UNC13B: variants seen among roughly 807,000 people sequenced by gnomAD.
UNC13B encodes the protein unc-13 homolog B, also known as protein unc-13 homolog B.
A neutral mutation model predicts 211.0 loss-of-function variants in UNC13B; 144 were observed. That is an observed-to-expected ratio of 0.68 (90% confidence interval 0.60 to 0.78). The LOEUF (loss-of-function observed/expected upper bound fraction) is 0.78, where lower values mean the gene tolerates loss of function less well. UNC13B is among the 30% of genes least tolerant of loss of function. UNC13B has a pLI of 0.00. For synonymous variants in UNC13B, 709 were observed against 725.8 expected, an observed-to-expected ratio of 0.98 and a Z score of 0.37; for missense variants, 1,777 against 2,002.0, an observed-to-expected ratio of 0.89 and a Z score of 2.14.
chr9:35,255,079 AT>A (rs1564096303), intron 6 of UNC13B, among the ~76,000 whole-genome samples: 1 of 123,442 alleles, frequency 8.1e-6, no homozygotes, highest in Non-Finnish European at 1.6e-5. Context: ...AATATAATAT[AT>A]ATATTATATA....
intron 1 of UNC13B, among the ~76,000 whole-genome samples, chr9:35,203,740 A>T (rs1034405540): frequency 6.6e-6 from 1 of 152,202 alleles, no homozygotes; most frequent in African/African-American, 2.4e-5. Flanking sequence ...TGAGCAAGGA[A>T]ATGACCTGAA....
intron 5 of UNC13B, among the ~76,000 whole-genome samples, chr9:35,242,506 T>G (rs543475555): frequency 1.3e-3 from 191 of 152,308 alleles, no homozygotes; most frequent in African/African-American, 4.1e-3. Context: ...TTTGACTACT[T>G]TAGTTACCTT....
intron 11 of UNC13B, among the ~76,000 whole-genome samples, chr9:35,342,821 G>A (rs530843601): frequency 3.3e-5 from 5 of 152,252 alleles, no homozygotes; most frequent in African/African-American, 1.2e-4. Flanking sequence ...CTATGTGTAT[G>A]CATGTACTCA....
chr9:35,374,509 GCC>G (rs1278911324), intron 13 of UNC13B, among the ~76,000 whole-genome samples: 3 of 120,552 alleles, frequency 2.5e-5, no homozygotes, highest in African/African-American at 1.1e-4. Flanking sequence ...GATACATGGG[GCC>G]CCCTATGCAA....
intron 5 of UNC13B, among the ~76,000 whole-genome samples, chr9:35,240,668 G>A (rs535722539): frequency 6.6e-6 from 1 of 151,934 alleles, no homozygotes; most frequent in Admixed American, 6.6e-5. Flanking sequence ...TTTTAATGTT[G>A]TATTACTTTT....
chr9:35,393,645 C>A (rs1426390380), intron 26 of UNC13B, among the ~76,000 whole-genome samples: 1 of 143,914 alleles, frequency 6.9e-6, no homozygotes, highest in African/African-American at 2.6e-5. Flanking sequence ...GATTTTGGCT[C>A]ACTGCAACCT....
chr9:35,251,528 A>G (rs1433880486), intron 6 of UNC13B, among the ~76,000 whole-genome samples: 2 of 152,176 alleles, frequency 1.3e-5, no homozygotes, highest in East Asian at 3.9e-4. Flanking sequence ...CAGAGGCTAC[A>G]GTGAGCCGAG....
intron 25 of UNC13B, 62 bp downstream of exon 25, chr9:35,390,035 C>T: frequency 2.5e-6 from 4 of 1,597,842 alleles, no homozygotes; most frequent in Non-Finnish European, 3.4e-6. Flanking sequence ...GTCTAACAAC[C>T]TCTTTCTTTC....
At chr9:35,208,148 T>C (rs10972381) in intron 1 of UNC13B, among the ~76,000 whole-genome samples, 77,833 of 152,010 alleles carry the variant, frequency 0.51, 20,568 homozygotes, top group Non-Finnish European at 0.57. Context: ...AACTCCCCTT[T>C]CTGGAACGAT....
intron 13 of UNC13B, among the ~76,000 whole-genome samples, chr9:35,371,706 A>C (rs958242698): frequency 1.3e-5 from 2 of 150,782 alleles, no homozygotes; most frequent in South Asian, 4.2e-4. Flanking sequence ...CTTTTGCCCT[A>C]TCTTTGGCTT....
intron 1 of UNC13B, among the ~76,000 whole-genome samples, chr9:35,205,363 A>G (rs1466827535): frequency 6.6e-6 from 1 of 152,206 alleles, no homozygotes; most frequent in Non-Finnish European, 1.5e-5. Flanking sequence ...TTTACTTTAA[A>G]AAAAATAGCT....
rs11389755 is a variant in UNC13B at position 35,257,370 on chromosome 9, T to TAAAAATATTTATATAAATATTTATA, written c.469-1619_469-1618insATATTTATATAAATATTTATAAAAA. Among the ~76,000 whole-genome samples, 368 of 60,648 alleles carry TAAAAATATTTATATAAATATTTATA rather than the reference T, an allele frequency of 6.1e-3. 58 individuals are homozygous for TAAAAATATTTATATAAATATTTATA. Among genetic ancestry groups the TAAAAATATTTATATAAATATTTATA allele is most frequent in the African/African-American group, 0.019 (225 of 11,684 alleles). 39.8% of individuals were successfully genotyped at this position (60,648 alleles called of 152,430 possible). A position where few individuals can be genotyped will look rare whatever the true frequency, so the allele number is the denominator to read the frequency against. ...ATAAAAATATTTATATAAATATTTA[T>TAAAAATATTTATATAAATATTTATA]AAAATATTTATATAAATATTTATAA... On this transcript the variant is annotated intron_variant, in intron 6 of 39. Coordinates refer to ENST00000635942, the MANE Select transcript of UNC13B (RefSeq NM_001371189.2).
At chr9:35,345,603 G>A (rs1351057676) in intron 11 of UNC13B, among the ~76,000 whole-genome samples, 1 of 152,154 alleles carries the variant, frequency 6.6e-6, no homozygotes, top group Admixed American at 6.5e-5. Flanking sequence ...AATGTCAAGG[G>A]CCTACTCAGA....
At chr9:35,181,648 C>T (rs138576568) in intron 1 of UNC13B, among the ~76,000 whole-genome samples, 1,619 of 152,106 alleles carry the variant, frequency 0.011, 18 homozygotes, top group Non-Finnish European at 0.016. Context: ...ACCAGCCTGG[C>T]CAACATGGTG....
chr9:35,261,500 A>C (rs1049117639), intron 7 of UNC13B, among the ~76,000 whole-genome samples: 1 of 152,096 alleles, frequency 6.6e-6, no homozygotes, highest in Admixed American at 6.5e-5. Flanking sequence ...TTATGGGTAC[A>C]TAGTAGGTAT....
intron 1 of UNC13B, among the ~76,000 whole-genome samples, chr9:35,207,990 TG>T (rs1419272639): frequency 6.6e-6 from 1 of 152,234 alleles, no homozygotes; most frequent in Non-Finnish European, 1.5e-5. Flanking sequence ...AGTTAATTTT[TG>T]TATGTCATGT....
At chr9:35,351,332 G>A (rs1168053862) in intron 11 of UNC13B, 19 of 1,222,230 alleles carry the variant, frequency 1.6e-5, no homozygotes, top group Admixed American at 4.3e-5. Flanking sequence ...GGGCATGTGC[G>A]AGGTTTGGAG....
At chr9:35,209,158 G>A (rs900367826) in intron 1 of UNC13B, among the ~76,000 whole-genome samples, 1 of 151,988 alleles carries the variant, frequency 6.6e-6, no homozygotes, top group East Asian at 1.9e-4. Context: ...TCCGCCTCAC[G>A]AGTTCAAGCG....
Position 35,297,561 on chromosome 9 carries a change from T to TTTTTTTTTTTTTGTTTTTTG in UNC13B, c.761+1637_761+1638insTTTTTTGTTTTTTGTTTTTT. Among the ~76,000 whole-genome samples the TTTTTTTTTTTTTGTTTTTTG allele has an allele frequency of 1.2e-4, 15 of 128,222 alleles. 1 individual carries two copies. Among genetic ancestry groups the TTTTTTTTTTTTTGTTTTTTG allele is most frequent in the Admixed American group, 3.1e-4 (4 of 12,828 alleles). 84.1% of individuals were successfully genotyped at this position (128,222 alleles called of 152,430 possible). On this transcript the variant is annotated intron_variant, in intron 8 of 39. Coordinates refer to ENST00000635942, the MANE Select transcript of UNC13B (RefSeq NM_001371189.2). ...ACATACTTTGTCTTTTTTTTTTTTT[T>TTTTTTTTTTTTTGTTTTTTG]TTTTTTGAGACGGAGTCTCGCTCTT... is the stretch of plus-strand genomic sequence containing the variant.
Sources: gnomAD v4.1 joint callset for allele counts (sites outside exome capture counted in the v4.1 genomes callset) on GRCh38, gnomAD v4.1.1 for gene constraint, MANE v1.5 for transcripts, NCBI Gene and HGNC (gene_info 2026-07-23, HGNC 2026-07-21) for gene names.